GYG2: variants seen among roughly 807,000 people sequenced by gnomAD.
GYG2 encodes glycogenin-2.
A neutral mutation model predicts 29.4 loss-of-function variants in GYG2; 29 were observed. The ratio of observed to expected loss-of-function variants is 0.99; its 90% confidence interval spans 0.74 to 1.35. The LOEUF (loss-of-function observed/expected upper bound fraction) is 1.35. GYG2 is among the 40% of genes most tolerant of loss of function. The pLI is 0.00. For missense variants in GYG2, 370 were observed against 385.7 expected (o/e 0.96, Z 0.34); for synonymous variants, 167 against 172.3 (o/e 0.97, Z 0.24).
intron 3 of GYG2, among the ~76,000 whole-genome samples, chrX:2,846,411 ACAG>A (rs1049002502): frequency 6.4e-5 from 7 of 109,897 alleles, no homozygotes; most frequent in Non-Finnish European, 1.3e-4. Flanking sequence ...AAAAAAGCAA[ACAG>A]CAGTAAAAAA....
chrX:2,830,246 G>C, intron 2 of GYG2, 51 bp downstream of exon 2: 1 of 1,081,093 alleles, frequency 9.2e-7, no homozygotes, highest in Non-Finnish European at 1.3e-6. Flanking sequence ...TACTGGCTTG[G>C]GTGACAGATT....
In GYG2 at chrX:2,830,095, C is replaced by T; in HGVS notation, c.-94C>T. ...TCCACGCGGATTCCCGGAGACGGCG[C>T]CTCTGCTCTGCGGGTTCGTGGCGAG... On this transcript the variant is annotated 5_prime_UTR_variant, in exon 2 of 11. Coordinates refer to ENST00000398806, the MANE Select transcript of GYG2 (RefSeq NM_001079855.2). The T allele has an allele frequency of 1.1e-6, 1 of 890,098 alleles. No homozygotes were observed. Among genetic ancestry groups the T allele is most frequent in the Non-Finnish European group, 1.6e-6 (1 of 609,638 alleles). 73.4% of individuals were successfully genotyped at this position (890,098 alleles called of 1,213,427 possible). A position where few individuals can be genotyped will look rare whatever the true frequency, so the allele number is the denominator to read the frequency against.
chrX:2,857,605 CATCT>C (rs1001637443), intron 6 of GYG2, among the ~76,000 whole-genome samples: 2 of 110,442 alleles, frequency 1.8e-5, no homozygotes, highest in Non-Finnish European at 1.9e-5. Context: ...GGCATCTATC[CATCT>C]ATGTAGATCT....
intron 8 of GYG2, among the ~76,000 whole-genome samples, chrX:2,874,634 C>T (rs1377728373): frequency 8.9e-6 from 1 of 111,980 alleles, no homozygotes; most frequent in Non-Finnish European, 1.9e-5. Context: ...TCTGTGTAGG[C>T]CACTGTTTAA....
At chrX:2,834,212 G>A (rs145987233) in intron 2 of GYG2, among the ~76,000 whole-genome samples, 1 of 111,969 alleles carries the variant, frequency 8.9e-6, no homozygotes, top group Non-Finnish European at 1.9e-5. Context: ...TTGGAGGCAG[G>A]AGACAGTAGC....
At chrX:2,870,082 G>T (rs1284202830) in intron 8 of GYG2, among the ~76,000 whole-genome samples, 4 of 107,977 alleles carry the variant, frequency 3.7e-5, no homozygotes, top group Non-Finnish European at 7.7e-5. Flanking sequence ...TTAATTAAAA[G>T]ATTACAGATG....
chrX:2,849,963 T>A (rs2087831849), intron 3 of GYG2, among the ~76,000 whole-genome samples: 1 of 110,230 alleles, frequency 9.1e-6, no homozygotes, highest in South Asian at 3.9e-4. Context: ...AAAAAATTTT[T>A]AAAAATTGCT....
chrX:2,857,855 A>G (rs1356794563), intron 6 of GYG2, among the ~76,000 whole-genome samples: 2 of 110,659 alleles, frequency 1.8e-5, no homozygotes, highest in African/African-American at 6.6e-5. Flanking sequence ...AAGAATTTGA[A>G]GATGTGATTT....
Position 2,855,010 on chromosome X carries a change from T to C in GYG2, c.342T>C (p.Asp114=), listed in dbSNP as rs376016185. 5 of 1,211,134 alleles carry C rather than the reference T, an allele frequency of 4.1e-6. No homozygotes were observed. Among genetic ancestry groups the C allele is most frequent in the Non-Finnish European group, 4.5e-6 (4 of 894,856 alleles). ...TTCACCAGGTGCTGTCCAATGTCGA[T>C]GAGCTGTTTGACAGGGGAGAGTTTT... ...DADTLVLSNV[D]ELFDRGEFSA... The change falls in exon 5 of 11, where the codon GAT becomes GAC. Residue 114 remains aspartate, a synonymous_variant. Coordinates refer to ENST00000398806, the MANE Select transcript of GYG2 (RefSeq NM_001079855.2).
At chrX:2,830,573 GC>G (rs1267816030) in intron 2 of GYG2, among the ~76,000 whole-genome samples, 1 of 112,035 alleles carries the variant, frequency 8.9e-6, no homozygotes, top group Non-Finnish European at 1.9e-5. Flanking sequence ...CTGGGAAGAG[GC>G]TGCCTTGAGT....
chrX:2,864,225 T>C (rs1423332695), intron 8 of GYG2, among the ~76,000 whole-genome samples: 2 of 112,194 alleles, frequency 1.8e-5, no homozygotes, highest in African/African-American at 6.5e-5. Flanking sequence ...CCTGACGACA[T>C]GTGCCCACGG....
chrX:2,881,498 A>C lies in GYG2; in HGVS notation c.*285A>C. The C allele has an allele frequency of 8.8e-6, 2 of 228,441 alleles. No homozygotes were observed. The highest frequency in any genetic ancestry group is 1.6e-5 in the Non-Finnish European group (2 of 128,777). 18.8% of individuals were successfully genotyped at this position (228,441 alleles called of 1,213,427 possible). A position where few individuals can be genotyped will look rare whatever the true frequency, so the allele number is the denominator to read the frequency against. On this transcript the variant is annotated 3_prime_UTR_variant, in exon 11 of 11. Transcript: ENST00000398806. The stretch of plus-strand genomic sequence containing the variant: ...GCGAGCAGTAATAACATTCTAGTAG[A>C]CTCTCGATGGTGGTCTCCGCTCTTG...
At chrX:2,870,295 G>C (rs773862522) in intron 8 of GYG2, among the ~76,000 whole-genome samples, 29 of 110,574 alleles carry the variant, frequency 2.6e-4, no homozygotes, top group African/African-American at 9.2e-4. Flanking sequence ...TCCGCCTCCT[G>C]GGTTCAAGCG....
At chrX:2,855,692 G>A (rs1187406681) in intron 5 of GYG2, among the ~76,000 whole-genome samples, 1 of 111,705 alleles carries the variant, frequency 9.0e-6, no homozygotes, top group Non-Finnish European at 1.9e-5. Flanking sequence ...GTTCAAGACC[G>A]GGGTGGGCAG....
At chrX:2,844,782 G>GTGTATATGTACA (rs1569056862) in intron 3 of GYG2, among the ~76,000 whole-genome samples, 804 of 1,998 alleles carry the variant, frequency 0.4, 267 homozygotes, top group Admixed American at 0.56. Flanking sequence ...GTACACGTAT[G>GTGTATATGTACA]CATATATATA....
intron 9 of GYG2, 64 bp downstream of exon 9, chrX:2,875,978 G>T: frequency 1.6e-6 from 1 of 625,887 alleles, no homozygotes; most frequent in Non-Finnish European, 2.6e-6. Flanking sequence ...TTTCTCACAG[G>T]GTCTATCCCC....
chrX:2,836,155 C>T (rs1444477723), intron 2 of GYG2, among the ~76,000 whole-genome samples: 1 of 111,270 alleles, frequency 9.0e-6, no homozygotes, highest in Non-Finnish European at 1.9e-5. Flanking sequence ...AGATGACCAG[C>T]AGTCTGGACC....
chrX:2,860,810 A>T (rs991507633), intron 7 of GYG2, among the ~76,000 whole-genome samples: 1 of 110,266 alleles, frequency 9.1e-6, no homozygotes, highest in African/African-American at 3.3e-5. Context: ...GCTCACTGCA[A>T]CCTCCGCCTT....
Position 2,857,170 on chromosome X carries a change from GTCTATCTATCTAGACCTAGATA to G in GYG2, c.614+572_614+593del, listed in dbSNP as rs1392621052. The stretch of plus-strand genomic sequence containing the variant: ...TTTATCTATCTATCTAGACCTAGAT[GTCTATCTATCTAGACCTAGATA>G]TCTATCTATCTAGACCTAGATATCT... On this transcript the variant is annotated intron_variant, in intron 6 of 10. Transcript: ENST00000398806. 4.3e-5 allele frequency among the ~76,000 whole-genome samples: 4 copies of G among 92,731 alleles called. No individual in the cohort carries two copies. The South Asian group carries it at 2.5e-3, about 57-fold the overall frequency. The allele number at this position is 92,731 out of a possible 115,157, so 80.5% of individuals were successfully genotyped here. A position where few individuals can be genotyped will look rare whatever the true frequency, so the allele number is the denominator to read the frequency against.
Sources: allele counts gnomAD v4.1 joint callset (sites outside exome capture counted in the v4.1 genomes callset), GRCh38; gene constraint gnomAD v4.1.1; transcripts MANE v1.5; gene names NCBI Gene and HGNC (gene_info 2026-07-23, HGNC 2026-07-21).